Variants in RFT1 observed in about 807,000 individuals in gnomAD.
RFT1 encodes man(5)GlcNAc(2)-PP-dolichol translocation protein RFT1.
A neutral mutation model predicts 62.2 loss-of-function variants in RFT1; 43 were observed. The observed-to-expected ratio is 0.69, with a 90% CI of 0.54 to 0.89. The LOEUF is 0.89. Ranked by LOEUF, RFT1 falls within the 40% of genes least tolerant of loss-of-function variation. The pLI, the probability that RFT1 is intolerant of heterozygous loss-of-function variation, is 0.00. For missense variants in RFT1, 605 were observed against 649.9 expected, an observed-to-expected ratio of 0.93 and a Z score of 0.75; for synonymous variants, 262 against 264.6, an observed-to-expected ratio of 0.99 and a Z score of 0.10.
chr3:53,103,287 T>A (rs1701369418), intron 10 of RFT1: 1 of 985,214 alleles, frequency 1.0e-6, no homozygotes, highest in Non-Finnish European at 1.2e-6. Context: ...AAAAACATCT[T>A]TGCTAAACCC....
At chr3:53,125,093 G>C (rs955653928) in intron 2 of RFT1, among the ~76,000 whole-genome samples, 1 of 152,216 alleles carries the variant, frequency 6.6e-6, no homozygotes, top group Non-Finnish European at 1.5e-5. Context: ...CTGGGCCCCT[G>C]TTCAGCACTA....
At position 53,119,950 on chromosome 3, in the gene RFT1, T is replaced by A. The variant is rs1701920887; in HGVS notation, c.630A>T (p.Ser210=). ...YFTKLLGSPE[S]TKLQTLPVSR... is the part of the protein sequence containing the mutation. ...AGACAGGAAGAGTTTGAAGCTTGGTTGATTCTGGGGAACCCAGTAACTTTG... is the reference window on the plus strand; with the variant it reads ...AGACAGGAAGAGTTTGAAGCTTGGTAGATTCTGGGGAACCCAGTAACTTTG... The change falls in exon 6 of 13, where the codon TCA becomes TCT. Residue 210 remains serine (S), a synonymous_variant. Coordinates refer to ENST00000296292, the MANE Select transcript of RFT1 (RefSeq NM_052859.4). 2.5e-6 allele frequency: 4 copies of A among 1,613,076 alleles called. No individual in the cohort carries two copies. The highest frequency in any genetic ancestry group is 3.4e-6 in the Non-Finnish European group (4 of 1,179,546).
At chr3:53,092,763 G>T in intron 11 of RFT1, 145 bp from the exon 12 acceptor site, 1 of 932,634 alleles carries the variant, frequency 1.1e-6, no homozygotes, top group Non-Finnish European at 1.6e-6. Flanking sequence ...GCTACCTGGA[G>T]ACCATGGGAA....
chr3:53,113,508 T>C (rs1701709313), intron 6 of RFT1, among the ~76,000 whole-genome samples: 2 of 152,224 alleles, frequency 1.3e-5, no homozygotes, highest in South Asian at 4.1e-4. Flanking sequence ...GCCTGGAACC[T>C]GTCTCAGTCA....
chr3:53,080,706 T>G, the RFT1 span, among the ~76,000 whole-genome samples: 1 of 152,172 alleles, frequency 6.6e-6, no homozygotes, highest in Admixed American at 6.5e-5. Context: ...CTCCTCTCAC[T>G]CCTTACTACA....
downstream of RFT1, among the ~76,000 whole-genome samples, chr3:53,087,929 C>T (rs1006207407): frequency 5.3e-5 from 8 of 152,168 alleles, no homozygotes; most frequent in Non-Finnish European, 1.2e-4. Context: ...GAGTTCTCTG[C>T]GGAATCTGAA....
chr3:53,128,308 A>C lies in RFT1; in HGVS notation c.63+2030T>G, dbSNP rs540843629. The stretch of plus-strand genomic sequence containing the variant: ...GTGAGACTCCATCTCGAAAACAAAA[A>C]ACAAAACACCATGTGTACATACTTA... On this transcript the variant is annotated intron_variant, in intron 1 of 12. Coordinates refer to ENST00000296292, the MANE Select transcript of RFT1 (RefSeq NM_052859.4). 6.6e-5 allele frequency among the ~76,000 whole-genome samples: 10 copies of C among 152,252 alleles called. No individual in the cohort carries two copies. The East Asian group carries it at 1.9e-3, about 29-fold the overall frequency.
intron 10 of RFT1, 110 bp downstream of exon 10, chr3:53,103,843 T>C (rs1701384732): frequency 5.1e-6 from 7 of 1,378,656 alleles, no homozygotes; most frequent in Non-Finnish European, 7.2e-6. Context: ...CAGACAGTTT[T>C]CCCTACACTG....
chr3:53,125,904 C>T lies in RFT1; in HGVS notation c.149+5G>A, dbSNP rs775590840. On this transcript the variant is annotated splice_donor_5th_base_variant and intron_variant, in intron 2 of 12. Coordinates refer to ENST00000296292, the MANE Select transcript of RFT1 (RefSeq NM_052859.4). ...CTGACAGTGCCAGGGTGCATCTCCT[C>T]CTACCTTACATTTACTACGCCAACG... 7 of 1,611,686 alleles carry T rather than the reference C, an allele frequency of 4.3e-6. No homozygotes were observed. Among genetic ancestry groups the T allele is most frequent in the African/African-American group, 1.3e-5 (1 of 74,888 alleles).
the RFT1 span, among the ~76,000 whole-genome samples, chr3:53,076,775 A>AC: frequency 6.6e-6 from 1 of 152,074 alleles, no homozygotes; most frequent in East Asian, 1.9e-4. Context: ...ACATAGTGTG[A>AC]CCCCATCTCT....
chr3:53,124,041 T>G (rs1161158169), intron 2 of RFT1, among the ~76,000 whole-genome samples: 1 of 152,180 alleles, frequency 6.6e-6, no homozygotes, highest in East Asian at 1.9e-4. Context: ...GAAAGACACC[T>G]GAGGGTGTGT....
the RFT1 span, among the ~76,000 whole-genome samples, chr3:53,080,887 CCT>C: frequency 6.6e-6 from 1 of 152,214 alleles, no homozygotes; most frequent in Admixed American, 6.5e-5. Flanking sequence ...GCCTCAAAGC[CCT>C]CTCTGGACAC....
chr3:53,121,655 G>T, intron 5 of RFT1, 44 bp downstream of exon 5: 2 of 1,461,200 alleles, frequency 1.4e-6, no homozygotes, highest in East Asian at 2.4e-5. Flanking sequence ...AAACCAGTTG[G>T]AGAAACAAAG....
chr3:53,103,960 T>C lies in RFT1; in HGVS notation c.1095A>G (p.Ser365=), dbSNP rs759269012. 76 of 1,614,222 alleles carry C rather than the reference T, an allele frequency of 4.7e-5. No homozygotes were observed. Among genetic ancestry groups the C allele is most frequent in the Non-Finnish European group, 6.4e-5 (76 of 1,180,030 alleles). The part of the protein sequence containing the change: ...LDIYGGTMLS[S]GSGPVLLRSY... ...AAAAACTCTTGTGCGTACCGGATCC[T>C]GAGCTAAGCATGGTCCCTCCGTAGA... The change falls in exon 10 of 13, where the codon TCA becomes TCG. Residue 365 remains serine, a synonymous_variant. Transcript: ENST00000296292.
chr3:53,090,753 A>G lies in RFT1; in HGVS notation c.*1150T>C, dbSNP rs1700965628. On this transcript the variant is annotated 3_prime_UTR_variant, in exon 13 of 13. Coordinates refer to ENST00000296292, the MANE Select transcript of RFT1 (RefSeq NM_052859.4). ...GTTCTGAGGGGGGTTAATATCTAAA[A>G]GGAATTAATACATTAACAAAAAAAT... 1 of 152,244 alleles carries G rather than the reference A, an allele frequency of 6.6e-6. No homozygotes were observed. Among genetic ancestry groups the G allele is most frequent in the South Asian group, 2.1e-4 (1 of 4,830 alleles). 9.4% of individuals were successfully genotyped at this position (152,244 alleles called of 1,614,324 possible). A position where few individuals can be genotyped will look rare whatever the true frequency, so the allele number is the denominator to read the frequency against.
intron 5 of RFT1, among the ~76,000 whole-genome samples, 166 bp downstream of exon 5, chr3:53,121,533 T>C (rs1300876710): frequency 6.6e-6 from 1 of 152,248 alleles, no homozygotes; most frequent in Non-Finnish European, 1.5e-5. Context: ...TGGAACACAA[T>C]GGACCTGGCA....
At chr3:53,075,936 AGGGG>A in the RFT1 span, among the ~76,000 whole-genome samples, 1 of 152,168 alleles carries the variant, frequency 6.6e-6, no homozygotes, top group African/African-American at 2.4e-5. Context: ...AGCAAGTTTA[AGGGG>A]AAGTTAACAT....
At chr3:53,122,158 G>A (rs1213270492) in intron 4 of RFT1, among the ~76,000 whole-genome samples, 1 of 152,082 alleles carries the variant, frequency 6.6e-6, no homozygotes, top group Non-Finnish European at 1.5e-5. Flanking sequence ...TAGCAAATCT[G>A]TTTTTTATTT....
rs763302334 is a variant in RFT1 at position 53,092,439 on chromosome 3, G to A, written c.1388C>T (p.Ala463Val). The A allele has an allele frequency of 2.9e-4, 463 of 1,611,208 alleles. No homozygotes were observed. The highest frequency in any genetic ancestry group is 3.8e-4 in the Non-Finnish European group (446 of 1,179,068). ...CAGGACTGGCGATAGGTGCAGGCCA[G>A]CCAGGGGCCTGTGGGGGCTCCTTCG... is the stretch of plus-strand genomic sequence containing the variant. ...YYRRSPHRPLAGLHLSPVLLG... is the reference protein window; with the variant it reads ...YYRRSPHRPLVGLHLSPVLLG... Residue 463 changes from alanine to valine, a missense_variant, in exon 12 of 13, where the codon GCT becomes GTT. Physicochemically the swap from Ala to Val is moderately conservative, Grantham distance 64. Transcript: ENST00000296292.
Sources: allele counts gnomAD v4.1 joint callset (sites outside exome capture counted in the v4.1 genomes callset), GRCh38; gene constraint gnomAD v4.1.1; transcripts MANE v1.5; gene names NCBI Gene and HGNC (gene_info 2026-07-23, HGNC 2026-07-21).